Variants in HMCN1 observed in about 807,000 individuals in gnomAD.
HMCN1 encodes the protein hemicentin 1.
In HMCN1, 321 loss-of-function variants were observed where a neutral mutation model predicts 625.9. The observed-to-expected ratio is 0.51, with a 90% confidence interval of 0.47 to 0.56. The LOEUF is 0.56. Among genes scored for constraint, HMCN1 ranks in the 20% least tolerant of loss-of-function variants. HMCN1 has a pLI of 0.00. For synonymous variants in HMCN1, 2,425 were observed against 2,417.6 expected (o/e 1.00, Z -0.09); for missense variants, 6,588 against 6,887.3 (o/e 0.96, Z 1.54).
At chr1:186,083,597 T>A (rs1250370583) in intron 57 of HMCN1, among the ~76,000 whole-genome samples, 3 of 151,420 alleles carry the variant, frequency 2.0e-5, no homozygotes, top group Non-Finnish European at 4.4e-5. Context: ...TTGGAAATGG[T>A]GGATAATCAT....
At chr1:186,022,305 TCTC>T (rs144222842) in intron 35 of HMCN1, among the ~76,000 whole-genome samples, 2,475 of 152,160 alleles carry the variant, frequency 0.016, 23 homozygotes, top group Middle Eastern at 0.041. Flanking sequence ...TGAAAAGTAA[TCTC>T]CTAAGAAAGT....
intron 4 of HMCN1, among the ~76,000 whole-genome samples, chr1:185,886,593 T>C (rs894669068): frequency 4.7e-5 from 7 of 148,388 alleles, no homozygotes; most frequent in African/African-American, 1.8e-4. Context: ...AGCATGTAGT[T>C]TTTTTTTTTA....
intron 68 of HMCN1, among the ~76,000 whole-genome samples, chr1:186,098,067 A>G (rs1417942535): frequency 3.3e-5 from 5 of 152,180 alleles, no homozygotes. Flanking sequence ...TGGATTAAAG[A>G]GTTAAATGTA....
Position 186,016,112 on chromosome 1 carries a change from C to G in HMCN1, c.5064C>G (p.Ile1688Met). The change falls in exon 32 of 107, where the codon ATC becomes ATG. Residue 1688 changes from isoleucine (I) to methionine (M), a missense_variant. Physicochemically the swap from Ile to Met is conservative, Grantham distance 10. Around this residue, in one of 3 missense-constraint regions of HMCN1, gnomAD observed 4,628 missense variants for 4,853.1 expected, o/e 0.95. Transcript: ENST00000271588. ...DGVPVKANDN[I>M]RIEAGGKKLE... ...TACCTGTGAAAGCTAATGACAATAT[C>G]CGCATAGAAGCTGGTGGGAAGAAAC... 6.2e-7 allele frequency: 1 copy of G among 1,613,436 alleles called. No homozygotes were observed. The highest frequency in any genetic ancestry group is 8.5e-7 in the Non-Finnish European group (1 of 1,179,604).
At chr1:186,095,560 G>A (rs1660095728) in intron 68 of HMCN1, 39 bp downstream of exon 68, 1 of 1,582,710 alleles carries the variant, frequency 6.3e-7, no homozygotes, top group South Asian at 1.1e-5. Flanking sequence ...TAATTGGAAA[G>A]TAAGTGATAG....
intron 86 of HMCN1, among the ~76,000 whole-genome samples, chr1:186,133,305 TTAAGA>T (rs2102524684): frequency 6.6e-6 from 1 of 152,342 alleles, no homozygotes; most frequent in East Asian, 1.9e-4. Flanking sequence ...TTATGGCACT[TTAAGA>T]TATTTATTAA....
chr1:186,173,640 C>CAAAAAAAAA (rs762258823), intron 102 of HMCN1, among the ~76,000 whole-genome samples: 2 of 74,688 alleles, frequency 2.7e-5, no homozygotes, highest in Non-Finnish European at 5.1e-5. Flanking sequence ...GACTCCATCT[C>CAAAAAAAAA]AAAAAAAAAA....
rs201237235 is a variant in HMCN1, at chr1:185,925,201, T to A, written c.1430+10T>A. ...TAGACCAGTATTTGAAGTAGGTACA[T>A]GTTTCTGTCAGTAATAAGATTCAGC... On this transcript the variant is annotated intron_variant, in intron 9 of 106. Coordinates refer to ENST00000271588, the MANE Select transcript of HMCN1 (RefSeq NM_031935.3). 6.2e-7 allele frequency: 1 copy of A among 1,609,426 alleles called. No individual in the cohort carries two copies.
At chr1:186,179,841 A>G (rs894340268) in intron 104 of HMCN1, among the ~76,000 whole-genome samples, 1 of 152,020 alleles carries the variant, frequency 6.6e-6, no homozygotes, top group African/African-American at 2.4e-5. Context: ...TTCTTGGTCA[A>G]CCTTAGGTGG....
chr1:185,884,380 C>G (rs1664505459), intron 4 of HMCN1, among the ~76,000 whole-genome samples: 1 of 151,934 alleles, frequency 6.6e-6, no homozygotes, highest in African/African-American at 2.4e-5. Context: ...TCTGGACGCT[C>G]TTGTCTTCAT....
chr1:186,032,048 A>C (rs192356211), intron 36 of HMCN1, among the ~76,000 whole-genome samples: 29 of 152,086 alleles, frequency 1.9e-4, no homozygotes, highest in East Asian at 1.5e-3. Flanking sequence ...CAAAAAAAAA[A>C]CAAAAATAAA....
At chr1:186,161,357 G>T (rs990481203) in intron 97 of HMCN1, among the ~76,000 whole-genome samples, 1 of 150,116 alleles carries the variant, frequency 6.7e-6, no homozygotes, top group Non-Finnish European at 1.5e-5. Context: ...ACGCTGATGG[G>T]TCTTGTCTCT....
intron 68 of HMCN1, among the ~76,000 whole-genome samples, chr1:186,097,842 T>C (rs1048011197): frequency 6.6e-6 from 1 of 152,072 alleles, no homozygotes; most frequent in African/African-American, 2.4e-5. Flanking sequence ...GCTATTGGCA[T>C]AAAAACAGAC....
In HMCN1 at chr1:185,901,119, G is replaced by A. The variant is rs1005841381; in HGVS notation, c.622-8218G>A. On this transcript the variant is annotated intron_variant, in intron 4 of 106. Coordinates refer to ENST00000271588, the MANE Select transcript of HMCN1 (RefSeq NM_031935.3). Reference sequence around the variant, plus strand: ...TCTATATTATTTCTAAACCCAATAGGCACATGACAGGACAATGGATTTATA... The same window carrying A: ...TCTATATTATTTCTAAACCCAATAGACACATGACAGGACAATGGATTTATA... Among the ~76,000 whole-genome samples the A allele has an allele frequency of 5.9e-5, 9 of 151,758 alleles. No homozygotes were observed. The South Asian group carries it at 6.2e-4, about 10-fold the overall frequency.
At chr1:185,853,368 A>G (rs1224359052) in intron 2 of HMCN1, among the ~76,000 whole-genome samples, 1 of 152,158 alleles carries the variant, frequency 6.6e-6, no homozygotes, top group Non-Finnish European at 1.5e-5. Context: ...AAACTCATGC[A>G]CACTTTGGGG....
intron 6 of HMCN1, among the ~76,000 whole-genome samples, chr1:185,920,138 A>G (rs576610138): frequency 6.6e-6 from 1 of 152,364 alleles, no homozygotes; most frequent in South Asian, 2.1e-4. Flanking sequence ...AATTCTTTTC[A>G]GAGAACAATT....
chr1:186,120,252 C>T (rs140001555), intron 80 of HMCN1, 107 bp downstream of exon 80: 62 of 1,255,088 alleles, frequency 4.9e-5, no homozygotes, highest in Middle Eastern at 2.7e-4. Context: ...CCATAGTTCT[C>T]GACATTCTTA....
chr1:186,072,230 G>A (rs1558196498), intron 52 of HMCN1, among the ~76,000 whole-genome samples: 1 of 152,076 alleles, frequency 6.6e-6, no homozygotes, highest in African/African-American at 2.4e-5. Flanking sequence ...TTCAAGAAAA[G>A]AAACACAAAA....
At position 186,152,776 on chromosome 1, in the gene HMCN1, G is replaced by A. The variant is rs1408984675; in HGVS notation, c.14923G>A (p.Ala4975Thr). Residue 4975 changes from alanine to threonine, a missense_variant, in exon 96 of 107, where the codon GCC (alanine) becomes ACC (threonine). By Grantham distance (58) the Ala-to-Thr change is moderately conservative. Coordinates refer to ENST00000271588, the MANE Select transcript of HMCN1 (RefSeq NM_031935.3). ...AGAAATCTTGCAGATGAGTCATATTGCCCGGGGCTTGGATTCCGATGGTTC... is the reference window on the plus strand; with the variant it reads ...AGAAATCTTGCAGATGAGTCATATTACCCGGGGCTTGGATTCCGATGGTTC... ...TGEILQMSHI[A>T]RGLDSDGSLL... 6.2e-7 allele frequency: 1 copy of A among 1,613,946 alleles called. No individual in the cohort carries two copies. The highest frequency in any genetic ancestry group is 8.5e-7 in the Non-Finnish European group (1 of 1,179,874).
Sources: gnomAD v4.1 joint callset for allele counts (sites outside exome capture counted in the v4.1 genomes callset) on GRCh38, gnomAD v4.1.1 for gene constraint, gnomAD v4.1.1 regional missense constraint, MANE v1.5 for transcripts, NCBI Gene and HGNC (gene_info 2026-07-23, HGNC 2026-07-21) for gene names.